ESRRG: variants seen among roughly 807,000 people sequenced by gnomAD.
The protein encoded by ESRRG is estrogen related receptor gamma, also known as estrogen-related receptor gamma.
A neutral mutation model predicts 44.0 loss-of-function variants in ESRRG; 13 were observed. That is an observed-to-expected ratio of 0.30 (90% CI 0.19 to 0.47). The LOEUF is 0.47. ESRRG is among the 20% of genes least tolerant of loss of function. ESRRG has a pLI of 1.00. For synonymous variants in ESRRG, 215 were observed against 214.6 expected (o/e 1.00, Z -0.02); for missense variants, 395 against 580.6 (o/e 0.68, Z 3.29).
chr1:217,023,182 TAA>T (rs1252308922), intron 1 of ESRRG, among the ~76,000 whole-genome samples: 2 of 152,180 alleles, frequency 1.3e-5, no homozygotes, highest in Non-Finnish European at 2.9e-5. Context: ...AATGTGTCTC[TAA>T]AAGATTCCCT....
intron 1 of ESRRG, among the ~76,000 whole-genome samples, chr1:216,712,201 A>C (rs1251544961): frequency 2.0e-5 from 3 of 152,212 alleles, no homozygotes; most frequent in Non-Finnish European, 4.4e-5. Context: ...AGTTTTTTGC[A>C]TGTAAGAACA....
chr1:217,000,709 T>C (rs1355944844), intron 1 of ESRRG: 6 of 152,186 alleles, frequency 3.9e-5, no homozygotes, highest in African/African-American at 1.4e-4. Context: ...TGAAGGACCG[T>C]GTAGCAACAT....
chr1:216,735,749 G>C (rs1301044247), intron 2 of ESRRG, among the ~76,000 whole-genome samples: 1 of 151,990 alleles, frequency 6.6e-6, no homozygotes, highest in African/African-American at 2.4e-5. Flanking sequence ...GGGAGACCAA[G>C]GTGGGTGGAT....
chr1:217,108,631 G>T (rs1370897184), intron 1 of ESRRG, among the ~76,000 whole-genome samples: 1 of 151,946 alleles, frequency 6.6e-6, no homozygotes, highest in African/African-American at 2.4e-5. Context: ...GTTTAAAAGT[G>T]TGTGGCGCCT....
chr1:217,077,964 A>G (rs985312708), intron 1 of ESRRG, among the ~76,000 whole-genome samples: 1 of 152,218 alleles, frequency 6.6e-6, no homozygotes, highest in Non-Finnish European at 1.5e-5. Context: ...AACCCCATCT[A>G]CTGCAAAGTC....
At chr1:216,912,384 G>GA (rs1166509488) in intron 2 of ESRRG, among the ~76,000 whole-genome samples, 20 of 151,354 alleles carry the variant, frequency 1.3e-4, no homozygotes, top group Non-Finnish European at 2.8e-4. Flanking sequence ...GAAAGGTAAA[G>GA]AAAAAAGGAC....
chr1:216,757,647 A>T (rs2152325958), intron 2 of ESRRG, among the ~76,000 whole-genome samples: 1 of 152,206 alleles, frequency 6.6e-6, no homozygotes, highest in East Asian at 1.9e-4. Flanking sequence ...ATCCAAAGGC[A>T]AAAAGCTTGA....
intron 1 of ESRRG, among the ~76,000 whole-genome samples, chr1:217,039,859 A>G (rs1426041669): frequency 1.3e-5 from 2 of 150,350 alleles, no homozygotes; most frequent in African/African-American, 2.4e-5. Flanking sequence ...TTTCCACCCC[A>G]TCCCAGTGCT....
At chr1:216,563,255 C>T (rs958593058) in intron 5 of ESRRG, among the ~76,000 whole-genome samples, 4 of 152,166 alleles carry the variant, frequency 2.6e-5, no homozygotes, top group African/African-American at 4.8e-5. Context: ...TTCCTAACCA[C>T]TGTAACAAAT....
intron 1 of ESRRG, among the ~76,000 whole-genome samples, chr1:216,693,716 C>CT (rs11572683): frequency 6.6e-6 from 1 of 152,054 alleles, no homozygotes; most frequent in African/African-American, 2.4e-5. Context: ...TACAATCATA[C>CT]TTTTTTTCTA....
intron 2 of ESRRG, among the ~76,000 whole-genome samples, chr1:216,896,113 C>T (rs2058385044): frequency 6.6e-6 from 1 of 152,108 alleles, no homozygotes; most frequent in African/African-American, 2.4e-5. Flanking sequence ...AATTCTCTCC[C>T]AAATAAAGTT....
At chr1:216,986,283 C>T (rs756764396) in intron 1 of ESRRG, among the ~76,000 whole-genome samples, 15 of 152,084 alleles carry the variant, frequency 9.9e-5, no homozygotes, top group Non-Finnish European at 1.3e-4. Context: ...TTAGTTATTC[C>T]CGTGTAGGAA....
rs1368487643 is a variant in ESRRG at position 216,504,423 on chromosome 1, A to G, written c.*2516T>C. 2 of 152,570 alleles carry G rather than the reference A, an allele frequency of 1.3e-5. No individual in the cohort carries two copies. Among genetic ancestry groups the G allele is most frequent in the African/African-American group, 4.8e-5 (2 of 41,446 alleles). 9.5% of individuals were successfully genotyped at this position (152,570 alleles called of 1,614,324 possible). ...TTTCAAGTTATTGACCATCTGAATGAATTGCTAATGATGATTTATCTAGAA... is the reference window on the plus strand; with the variant it reads ...TTTCAAGTTATTGACCATCTGAATGGATTGCTAATGATGATTTATCTAGAA... On this transcript the variant is annotated 3_prime_UTR_variant, in exon 7 of 7. Transcript: ENST00000408911.
intron 2 of ESRRG, among the ~76,000 whole-genome samples, chr1:216,735,986 A>AT (rs1234318821): frequency 1.1e-4 from 14 of 127,368 alleles, no homozygotes; most frequent in African/African-American, 3.8e-4. Context: ...TCTCAAAAAA[A>AT]AATATATATA....
intron 1 of ESRRG, among the ~76,000 whole-genome samples, chr1:216,703,837 G>C (rs1029773595): frequency 3.9e-5 from 6 of 151,974 alleles, no homozygotes; most frequent in African/African-American, 1.4e-4. Context: ...CTTCAGTCTT[G>C]CCTAACTCAC....
intron 2 of ESRRG, among the ~76,000 whole-genome samples, chr1:216,669,963 T>C (rs777207636): frequency 1.3e-5 from 2 of 152,212 alleles, no homozygotes; most frequent in Non-Finnish European, 2.9e-5. Context: ...TATATTTAAT[T>C]TAACACTGCA....
chr1:216,925,624 C>T (rs188952769), intron 2 of ESRRG, among the ~76,000 whole-genome samples: 253 of 151,614 alleles, frequency 1.7e-3, no homozygotes, highest in African/African-American at 5.8e-3. Flanking sequence ...GGGGTGGGGG[C>T]GGAATGCTCC....
intron 2 of ESRRG, among the ~76,000 whole-genome samples, chr1:216,829,674 C>A (rs1399210837): frequency 1.3e-5 from 2 of 151,922 alleles, no homozygotes; most frequent in Non-Finnish European, 2.9e-5. Flanking sequence ...CCTGCCTCAG[C>A]CCCTAGGTAG....
At chr1:216,702,856 A>T (rs2081680286) in intron 1 of ESRRG, among the ~76,000 whole-genome samples, 1 of 151,828 alleles carries the variant, frequency 6.6e-6, no homozygotes, top group Admixed American at 6.6e-5. Context: ...CATGTGAATT[A>T]TTCTAGTATT....
Sources: gnomAD v4.1 joint callset for allele counts (sites outside exome capture counted in the v4.1 genomes callset) on GRCh38, gnomAD v4.1.1 for gene constraint, MANE v1.5 for transcripts, NCBI Gene and HGNC (gene_info 2026-07-23, HGNC 2026-07-21) for gene names.